DCHS1: variants seen among roughly 807,000 people sequenced by gnomAD.
DCHS1 encodes the protein dachsous cadherin-related 1.
In DCHS1, 78 loss-of-function variants were observed where a neutral mutation model predicts 213.9. The observed-to-expected ratio is 0.36, with a 90% CI of 0.30 to 0.44. DCHS1 has a LOEUF of 0.44. Among genes scored for constraint, DCHS1 ranks in the 20% least tolerant of loss-of-function variants. The probability of loss-of-function intolerance (pLI) is 1.00; values close to 1 mark genes in which losing one functional copy is unlikely to be tolerated. For synonymous variants in DCHS1, 1,828 were observed against 1,873.7 expected (o/e 0.98, Z 0.63); for missense variants, 3,946 against 4,395.9 (o/e 0.90, Z 2.89).
At position 6,627,456 on chromosome 11, in the gene DCHS1, C is replaced by A; in HGVS notation, c.5583G>T (p.Ser1861=). Residue 1861 remains serine (S), a synonymous_variant, in exon 14 of 21, where the codon TCG becomes TCT. Coordinates refer to ENST00000299441, the MANE Select transcript of DCHS1 (RefSeq NM_003737.4). This position sits in a 1 kb window ranked among gnomAD's most constrained non-coding sequence, Gnocchi z 5.4. The part of the protein sequence containing the change: ...HAPAFPVPAY[S]VEVPEDVPAG... ...CAGGCACATCCTCCGGCACCTCCAC[C>A]GAGTAGGCAGGCACAGGAAAGGCTG... is the stretch of plus-strand genomic sequence containing the variant. 2 of 1,611,140 alleles carry A rather than the reference C, an allele frequency of 1.2e-6. No homozygotes were observed. The highest frequency in any genetic ancestry group is 1.1e-5 in the South Asian group (1 of 90,570).
chr11:6,651,960 A>T (rs1016498582), intron 1 of DCHS1, among the ~76,000 whole-genome samples: 4 of 152,224 alleles, frequency 2.6e-5, no homozygotes, highest in Admixed American at 2.6e-4. Context: ...GTGAGTCATC[A>T]GCCTATAGAT....
chr11:6,637,001 A>G (rs530583597), intron 2 of DCHS1, among the ~76,000 whole-genome samples: 4 of 152,318 alleles, frequency 2.6e-5, no homozygotes, highest in African/African-American at 9.6e-5. Flanking sequence ...CACAGTTGCT[A>G]AAGCCAGAAA....
chr11:6,646,932 G>T (rs182394584), intron 1 of DCHS1, among the ~76,000 whole-genome samples: 84 of 152,232 alleles, frequency 5.5e-4, no homozygotes, highest in African/African-American at 1.9e-3. Context: ...GGAGCAGGGG[G>T]ACTACAAGGG....
Position 6,633,935 on chromosome 11 carries a change from G to T in DCHS1, c.2072C>A (p.Ala691Asp). Residue 691 changes from alanine (A) to aspartate (D), a missense_variant, in exon 4 of 21, where the codon GCT becomes GAT. Coordinates refer to ENST00000299441, the MANE Select transcript of DCHS1 (RefSeq NM_003737.4). The part of the protein sequence containing the change: ...NPPQFYPREY[A>D]ASISAQSPPG... ...TGGACTCTGGGCACTTATACTGGCAGCATACTCCCGTGGATAAAACTGAGG... is the reference window on the plus strand; with the variant it reads ...TGGACTCTGGGCACTTATACTGGCATCATACTCCCGTGGATAAAACTGAGG... 6.2e-7 allele frequency: 1 copy of T among 1,614,042 alleles called. No individual in the cohort carries two copies.
Position 6,626,130 on chromosome 11 carries a change from C to G in DCHS1, c.6576+39G>C. The G allele has an allele frequency of 6.3e-7, 1 of 1,594,410 alleles. No individual in the cohort carries two copies. On this transcript the variant is annotated intron_variant, in intron 16 of 20. Transcript: ENST00000299441. This position sits in a 1 kb window ranked among gnomAD's most constrained non-coding sequence, Gnocchi z 5.2. Reference sequence around the variant, plus strand: ...TCTGGCCACAGACAAGTCTGACTAGCCCTGCTCCCCCGCCCAATCTTTCCA... The same window carrying G: ...TCTGGCCACAGACAAGTCTGACTAGGCCTGCTCCCCCGCCCAATCTTTCCA...
Position 6,632,230 on chromosome 11 carries a change from G to A in DCHS1, c.3282C>T (p.Ser1094=). Residue 1094 remains serine, a synonymous_variant, in exon 6 of 21, where the codon AGC becomes AGT. Coordinates refer to ENST00000299441, the MANE Select transcript of DCHS1 (RefSeq NM_003737.4). The surrounding 1 kb of genome is among the most constrained non-coding windows in gnomAD (Gnocchi z 5.9). ...QQTGTATVRV[S]ILNQNEHSPR... ...GACTGTGTTCATTCTGGTTGAGGAT[G>A]CTGACCCTCACGGTGGCTGTGCCTG... 1 of 1,613,556 alleles carries A rather than the reference G, an allele frequency of 6.2e-7. No individual in the cohort carries two copies. The highest frequency in any genetic ancestry group is 8.5e-7 in the Non-Finnish European group (1 of 1,179,608).
In DCHS1 at chr11:6,626,403, G is replaced by A. The variant is rs767385280; in HGVS notation, c.6365-23C>T. 1 of 1,610,448 alleles carries A rather than the reference G, an allele frequency of 6.2e-7. No homozygotes were observed. Among genetic ancestry groups the A allele is most frequent in the East Asian group, 2.2e-5 (1 of 44,782 alleles). On this transcript the variant is annotated intron_variant, in intron 15 of 20. Transcript: ENST00000299441. This position sits in a 1 kb window ranked among gnomAD's most constrained non-coding sequence, Gnocchi z 5.2. ...CACCTGGGCGAGATAGAATGCATCA[G>A]TGATAGCCCCCTTTGCTTGCCCTGG... is the stretch of plus-strand genomic sequence containing the variant.
Position 6,628,742 on chromosome 11 carries a change from G to T in DCHS1, c.5250C>A (p.Thr1750=), listed in dbSNP as rs533411916. 21 of 1,614,020 alleles carry T rather than the reference G, an allele frequency of 1.3e-5. No individual in the cohort carries two copies. In the East Asian group the frequency reaches 2.0e-4, roughly 15 times the overall value. Residue 1750 remains threonine, a synonymous_variant, in exon 13 of 21, where the codon ACC becomes ACA. Coordinates refer to ENST00000299441, the MANE Select transcript of DCHS1 (RefSeq NM_003737.4). The surrounding 1 kb of genome is among the most constrained non-coding windows in gnomAD (Gnocchi z 4.3). ...CCAGAGAGAGATGGGCACTCCCAAA[G>T]GTTGGTGCATGGTCATTCTCATCCT... ...AVEDENDHAP[T]FGSAHLSLEV...
In DCHS1 at chr11:6,641,659, G is replaced by C. The variant is rs1856077690; in HGVS notation, c.-46C>G. On this transcript the variant is annotated 5_prime_UTR_variant, in exon 2 of 21. Coordinates refer to ENST00000299441, the MANE Select transcript of DCHS1 (RefSeq NM_003737.4). The surrounding 1 kb of genome is among the most constrained non-coding windows in gnomAD (Gnocchi z 7.1). The stretch of plus-strand genomic sequence containing the variant: ...GCCTTGGGCTCCAGCTCCAGGCCAG[G>C]CTCTGGGCCCAGCTTGACCTCAGAC... The C allele has an allele frequency of 6.0e-6, 9 of 1,494,672 alleles. No homozygotes were observed. The highest frequency in any genetic ancestry group is 1.4e-5 in the African/African-American group (1 of 71,804). The allele number at this position is 1,494,672 out of a possible 1,614,324, so 92.6% of individuals were successfully genotyped here. A position where few individuals can be genotyped will look rare whatever the true frequency, so the allele number is the denominator to read the frequency against.
In DCHS1 at chr11:6,625,422, C is replaced by T. The variant is rs761710120; in HGVS notation, c.6922G>A (p.Val2308Met). The T allele has an allele frequency of 1.1e-5, 18 of 1,604,002 alleles. No individual in the cohort carries two copies. The highest frequency in any genetic ancestry group is 2.2e-5 in the South Asian group (2 of 90,312). ...VTGNDVDSGP[V>M]LWYVLSPSGP... is the part of the protein sequence containing the mutation. ...GATGGGCTTAGCACATACCACAGCA[C>T]GGGTCCTGAGTCCACATCATTCCCT... Residue 2308 changes from valine to methionine, a missense_variant, in exon 19 of 21, where the codon GTG becomes ATG. Val to Met is a conservative substitution (Grantham distance 21). Transcript: ENST00000299441. The surrounding 1 kb of genome is among the most constrained non-coding windows in gnomAD (Gnocchi z 5.3).
chr11:6,626,858 C>T lies in DCHS1; in HGVS notation c.6181G>A (p.Glu2061Lys), dbSNP rs200697659. 2 of 1,613,454 alleles carry T rather than the reference C, an allele frequency of 1.2e-6. No homozygotes were observed. The highest frequency in any genetic ancestry group is 2.2e-5 in the East Asian group (1 of 44,884). The change falls in exon 14 of 21, where the codon GAA (glutamate) becomes AAA (lysine). Residue 2061 changes from glutamate to lysine, a missense_variant. Coordinates refer to ENST00000299441, the MANE Select transcript of DCHS1 (RefSeq NM_003737.4). The surrounding 1 kb of genome is among the most constrained non-coding windows in gnomAD (Gnocchi z 5.2). ...GGAAAGCGGGGTCCACGCTCAGCTT[C>T]CCCCTGCAGTCCAACAATGATCACA... The part of the protein sequence containing the change: ...TGVIIVGLQG[E>K]AERGPRFPRA...
chr11:6,625,105 G>A lies in DCHS1; in HGVS notation c.7146+93C>T, dbSNP rs576713061. ...TTCCCATTCCCAGATCAGCTCCAAC[G>A]TCCAGCCCACCTCAGCAGCTGCTAG... On this transcript the variant is annotated intron_variant, in intron 19 of 20. Coordinates refer to ENST00000299441, the MANE Select transcript of DCHS1 (RefSeq NM_003737.4). This position sits in a 1 kb window ranked among gnomAD's most constrained non-coding sequence, Gnocchi z 5.3. The A allele has an allele frequency of 6.7e-5, 100 of 1,501,966 alleles. No homozygotes were observed. The South Asian group carries it at 1.0e-3, about 16-fold the overall frequency. 93.0% of individuals were successfully genotyped at this position (1,501,966 alleles called of 1,614,324 possible). A position where few individuals can be genotyped will look rare whatever the true frequency, so the allele number is the denominator to read the frequency against.
In DCHS1 at chr11:6,627,362, A is replaced by G. The variant is rs751307001; in HGVS notation, c.5677T>C (p.Tyr1893His). The G allele has an allele frequency of 1.2e-6, 2 of 1,607,800 alleles. No individual in the cohort carries two copies. The highest frequency in any genetic ancestry group is 1.1e-5 in the South Asian group (1 of 90,202). The stretch of plus-strand genomic sequence containing the variant: ...GCTCCTGCTGTACCGGCGCCCAGGT[A>G]GTAGGTCACATGGCCATTAGCTCCA... ...DAGANGHVTY[Y>H]LGAGTAGAFL... Residue 1893 changes from tyrosine (Y) to histidine (H), a missense_variant, in exon 14 of 21, where the codon TAC (tyrosine) becomes CAC (histidine). Coordinates refer to ENST00000299441, the MANE Select transcript of DCHS1 (RefSeq NM_003737.4). This position sits in a 1 kb window ranked among gnomAD's most constrained non-coding sequence, Gnocchi z 5.4.
chr11:6,643,686 A>G (rs1381112702), intron 1 of DCHS1, among the ~76,000 whole-genome samples: 1 of 152,140 alleles, frequency 6.6e-6, no homozygotes, highest in African/African-American at 2.4e-5. Flanking sequence ...ATCCACTCCC[A>G]TGCCTTCAGT....
chr11:6,651,058 G>A (rs891210858), intron 1 of DCHS1, among the ~76,000 whole-genome samples: 4 of 152,174 alleles, frequency 2.6e-5, no homozygotes, highest in African/African-American at 9.7e-5. Context: ...CATTCATTTT[G>A]TTCACAGCCA....
At position 6,622,968 on chromosome 11, in the gene DCHS1, A is replaced by G. The variant is rs934506526; in HGVS notation, c.8708T>C (p.Ile2903Thr). 1 of 1,575,078 alleles carries G rather than the reference A, an allele frequency of 6.3e-7. No individual in the cohort carries two copies. Among genetic ancestry groups the G allele is most frequent in the African/African-American group, 1.4e-5 (1 of 73,934 alleles). The change falls in exon 21 of 21, where the codon ATA becomes ACA. Residue 2903 changes from isoleucine to threonine, a missense_variant. By Grantham distance (89) the Ile-to-Thr change is moderately conservative. Transcript: ENST00000299441. This position sits in a 1 kb window ranked among gnomAD's most constrained non-coding sequence, Gnocchi z 5.4. ...EAPRELRLEV[I>T]ARGPLPGSRS... Reference sequence around the variant, plus strand: ...GGAACCAGGCAGAGGCCCCCGTGCTATCACCTCCAGCCTCAGCTCCCGTGG... The same window carrying G: ...GGAACCAGGCAGAGGCCCCCGTGCTGTCACCTCCAGCCTCAGCTCCCGTGG...
At chr11:6,634,392 C>G (rs1490400016) in intron 2 of DCHS1, 86 bp from the exon 3 acceptor site, 2 of 1,439,236 alleles carry the variant, frequency 1.4e-6, no homozygotes, top group Non-Finnish European at 9.3e-7. Context: ...ACAACTGGTG[C>G]TAAGTCTCTG....
At chr11:6,624,700 G>C in intron 20 of DCHS1, 30 bp downstream of exon 20, 1 of 1,613,588 alleles carries the variant, frequency 6.2e-7, no homozygotes, top group Non-Finnish European at 8.5e-7. Flanking sequence ...CACAGTCAAA[G>C]GCAAGGGGCA....
At chr11:6,634,042 G>A in intron 3 of DCHS1, 22 bp from the exon 4 acceptor site, 1 of 1,611,048 alleles carries the variant, frequency 6.2e-7, no homozygotes, top group Non-Finnish European at 8.5e-7. Flanking sequence ...TGCAGCCATA[G>A]GTCAGGTGGG....
Sources: allele counts gnomAD v4.1 joint callset (sites outside exome capture counted in the v4.1 genomes callset), GRCh38; gene constraint gnomAD v4.1.1; non-coding constraint Gnocchi (gnomAD v3.1); transcripts MANE v1.5; gene names NCBI Gene and HGNC (gene_info 2026-07-23, HGNC 2026-07-21).